GLP1R: variants seen among roughly 807,000 people sequenced by gnomAD.
GLP1R encodes the protein glucagon-like peptide 1 receptor.
GLP1R carries 32 observed loss-of-function variants against 68.4 expected under a neutral mutation model. The ratio of observed to expected loss-of-function variants is 0.47; its 90% confidence interval spans 0.35 to 0.63. The LOEUF (loss-of-function observed/expected upper bound fraction) is 0.63. GLP1R is among the 20% of genes least tolerant of loss of function. The pLI is 0.00. For synonymous variants in GLP1R, 263 were observed against 244.4 expected (o/e 1.08, Z -0.71); for missense variants, 502 against 594.9 (o/e 0.84, Z 1.62).
intron 5 of GLP1R, among the ~76,000 whole-genome samples, chr6:39,068,349 C>T (rs1467348974): frequency 6.6e-6 from 1 of 152,208 alleles, no homozygotes; most frequent in Non-Finnish European, 1.5e-5. Flanking sequence ...CTCTCACAGG[C>T]TGGAGTTGTG....
rs1769236880 is a variant in GLP1R, at chr6:39,089,726, A to AG, written c.*3655dup. On this transcript the variant is annotated 3_prime_UTR_variant, in exon 13 of 13. Coordinates refer to ENST00000373256, the MANE Select transcript of GLP1R (RefSeq NM_002062.5). The surrounding 1 kb of genome is among the most constrained non-coding windows in gnomAD (Gnocchi z 4.1). ...TCATCACACCCGCTGTGCAGGTCAT[A>AG]GGACCGCACACCCGAGGCTGGGAGT... Among the ~76,000 whole-genome samples the AG allele has an allele frequency of 1.3e-5, 2 of 152,222 alleles. No homozygotes were observed. The highest frequency in any genetic ancestry group is 4.8e-5 in the African/African-American group (2 of 41,456).
At chr6:39,071,205 G>A (rs1768653441) in intron 5 of GLP1R, among the ~76,000 whole-genome samples, 1 of 151,836 alleles carries the variant, frequency 6.6e-6, no homozygotes, top group African/African-American at 2.4e-5. Context: ...AATTAGGTGA[G>A]CATGGTGGCA....
At chr6:39,077,465 G>A (rs1358023852) in intron 7 of GLP1R, among the ~76,000 whole-genome samples, 1 of 152,236 alleles carries the variant, frequency 6.6e-6, no homozygotes, top group East Asian at 1.9e-4. Context: ...TAGGCCTTCT[G>A]AGTTCTCTCA....
chr6:39,054,267 G>C (rs1396648001), intron 1 of GLP1R, among the ~76,000 whole-genome samples: 1 of 152,018 alleles, frequency 6.6e-6, no homozygotes, highest in East Asian at 1.9e-4. Flanking sequence ...CGACCACCCA[G>C]AACCTGGCAC....
At chr6:39,055,133 C>A (rs1768182756) in intron 1 of GLP1R, among the ~76,000 whole-genome samples, 1 of 152,154 alleles carries the variant, frequency 6.6e-6, no homozygotes, top group African/African-American at 2.4e-5. Context: ...AGCAAGGCAA[C>A]CCAAGTCTCT....
intron 1 of GLP1R, among the ~76,000 whole-genome samples, chr6:39,053,853 C>T (rs1205132257): frequency 6.6e-6 from 1 of 152,132 alleles, no homozygotes; most frequent in Non-Finnish European, 1.5e-5. Context: ...TTTCCCCAGA[C>T]CAGAACCTCC....
At chr6:39,072,604 G>A (rs1562012816) in intron 5 of GLP1R, among the ~76,000 whole-genome samples, 1 of 152,228 alleles carries the variant, frequency 6.6e-6, no homozygotes, top group African/African-American at 2.4e-5. Context: ...CAAAGAAGAT[G>A]CTGCAGAGAG....
rs1583616962 is a variant in GLP1R, at chr6:39,056,566, A to G, written c.175+73A>G. The G allele has an allele frequency of 1.5e-5, 12 of 793,446 alleles. No homozygotes were observed. The East Asian group carries it at 2.1e-4, about 14-fold the overall frequency. 49.2% of individuals were successfully genotyped at this position (793,446 alleles called of 1,614,324 possible). A position where few individuals can be genotyped will look rare whatever the true frequency, so the allele number is the denominator to read the frequency against. ...CTTCTGGAGGACTTTGATGAACTCA[A>G]TGTCCATGGCTGGGAGCCATTTGCC... On this transcript the variant is annotated intron_variant, in intron 2 of 12. Coordinates refer to ENST00000373256, the MANE Select transcript of GLP1R (RefSeq NM_002062.5).
intron 5 of GLP1R, among the ~76,000 whole-genome samples, chr6:39,070,353 C>G (rs1415960711): frequency 6.6e-6 from 1 of 152,182 alleles, no homozygotes; most frequent in East Asian, 1.9e-4. Flanking sequence ...TTGTATAATA[C>G]AGCACAGTTT....
At position 39,049,056 on chromosome 6, in the gene GLP1R, G is replaced by C. The variant is rs1254683181; in HGVS notation, c.78+138G>C. ...CGGGGGCATCCGAAAGCCTCGGGGGGAGTAGGGACTGGAGACTTGGTGCCC... is the reference window on the plus strand; with the variant it reads ...CGGGGGCATCCGAAAGCCTCGGGGGCAGTAGGGACTGGAGACTTGGTGCCC... On this transcript the variant is annotated intron_variant, in intron 1 of 12. Transcript: ENST00000373256. The surrounding 1 kb of genome is among the most constrained non-coding windows in gnomAD (Gnocchi z 4.5). 1 of 482,560 alleles carries C rather than the reference G, an allele frequency of 2.1e-6. No individual in the cohort carries two copies. The highest frequency in any genetic ancestry group is 3.6e-5 in the East Asian group (1 of 28,114). The allele number at this position is 482,560 out of a possible 1,614,324, so 29.9% of individuals were successfully genotyped here.
chr6:39,068,819 A>G (rs962271355), intron 5 of GLP1R, among the ~76,000 whole-genome samples: 3 of 152,192 alleles, frequency 2.0e-5, no homozygotes, highest in African/African-American at 7.2e-5. Flanking sequence ...TTCTGCTCTC[A>G]AGACCCTGAC....
chr6:39,078,430 C>T, intron 8 of GLP1R, 48 bp downstream of exon 8: 3 of 1,292,570 alleles, frequency 2.3e-6, no homozygotes, highest in East Asian at 4.6e-5. Context: ...TCCCCATCCT[C>T]AAGGTCCATG....
In GLP1R at chr6:39,073,787, C is replaced by T. The variant is rs778026835; in HGVS notation, c.823+18C>T. 13 of 1,610,830 alleles carry T rather than the reference C, an allele frequency of 8.1e-6. No homozygotes were observed. Among genetic ancestry groups the T allele is most frequent in the Non-Finnish European group, 1.1e-5 (13 of 1,177,680 alleles). ...AGGCTGGGGTAAGAACCGCCATCAC[C>T]CACCCTGGACCTGTGGCACGGGGGT... On this transcript the variant is annotated intron_variant, in intron 7 of 12. Transcript: ENST00000373256.
At chr6:39,058,402 G>T (rs367590536) in intron 3 of GLP1R, among the ~76,000 whole-genome samples, 1 of 152,118 alleles carries the variant, frequency 6.6e-6, no homozygotes, top group African/African-American at 2.4e-5. Flanking sequence ...CTGCAAGGGG[G>T]ACCTTGTACT....
intron 12 of GLP1R, among the ~76,000 whole-genome samples, chr6:39,081,086 T>C (rs979302525): frequency 6.6e-6 from 1 of 152,074 alleles, no homozygotes; most frequent in Non-Finnish European, 1.5e-5. Context: ...CCAAGCCACA[T>C]GCTTGGGGCT....
At chr6:39,083,504 A>T (rs1015068759) in intron 12 of GLP1R, among the ~76,000 whole-genome samples, 17 of 152,088 alleles carry the variant, frequency 1.1e-4, no homozygotes, top group Non-Finnish European at 1.8e-4. Context: ...GTGAGTGGGG[A>T]CAGGGAGGGG....
chr6:39,086,087 G>A lies in GLP1R; in HGVS notation c.*14G>A. 1 of 1,612,034 alleles carries A rather than the reference G, an allele frequency of 6.2e-7. No individual in the cohort carries two copies. Among genetic ancestry groups the A allele is most frequent in the Non-Finnish European group, 8.5e-7 (1 of 1,179,078 alleles). Reference sequence around the variant, plus strand: ...TCCTGCAGCTGAGACTCCAGCGCCTGCCCTCCCTGGGGTCCTTGCTGCAGG... The same window carrying A: ...TCCTGCAGCTGAGACTCCAGCGCCTACCCTCCCTGGGGTCCTTGCTGCAGG... On this transcript the variant is annotated 3_prime_UTR_variant, in exon 13 of 13. Transcript: ENST00000373256. This position sits in a 1 kb window ranked among gnomAD's most constrained non-coding sequence, Gnocchi z 4.5.
intron 5 of GLP1R, among the ~76,000 whole-genome samples, chr6:39,069,637 CAAA>C (rs1160778497): frequency 4.0e-5 from 4 of 98,826 alleles, no homozygotes; most frequent in Non-Finnish European, 2.1e-5. Flanking sequence ...GACTCTGTCT[CAAA>C]AAAAAAAAAA....
chr6:39,076,785 A>G (rs1768841658), intron 7 of GLP1R, among the ~76,000 whole-genome samples: 1 of 152,176 alleles, frequency 6.6e-6, no homozygotes, highest in Non-Finnish European at 1.5e-5. Context: ...GAGCATGGAG[A>G]CAGCCAGTGC....
Sources: allele counts gnomAD v4.1 joint callset (sites outside exome capture counted in the v4.1 genomes callset), GRCh38; gene constraint gnomAD v4.1.1; non-coding constraint Gnocchi (gnomAD v3.1); transcripts MANE v1.5; gene names NCBI Gene and HGNC (gene_info 2026-07-23, HGNC 2026-07-21).